SPACA7: variants seen among roughly 807,000 people sequenced by gnomAD.
SPACA7 encodes sperm acrosome associated 7.
A neutral mutation model predicts 26.3 loss-of-function variants in SPACA7; 19 were observed. That is an observed-to-expected ratio of 0.72 (90% CI 0.50 to 1.06). The LOEUF (loss-of-function observed/expected upper bound fraction) is 1.06. SPACA7 is among the 50% of genes least tolerant of loss of function. SPACA7 has a pLI of 0.00. For synonymous variants in SPACA7, 84 were observed against 84.5 expected, an observed-to-expected ratio of 0.99 and a Z score of 0.04; for missense variants, 211 against 229.9, an observed-to-expected ratio of 0.92 and a Z score of 0.53.
chr13:112,419,679 A>G (rs1411340862), intron 5 of SPACA7, among the ~76,000 whole-genome samples: 1 of 152,146 alleles, frequency 6.6e-6, no homozygotes, highest in East Asian at 1.9e-4. Flanking sequence ...AAGAAATACC[A>G]CCCAAGACCA....
At chr13:112,428,771 GT>G (rs1467038527) in intron 5 of SPACA7, among the ~76,000 whole-genome samples, 1 of 152,072 alleles carries the variant, frequency 6.6e-6, no homozygotes, top group Non-Finnish European at 1.5e-5. Context: ...AGAATATAGT[GT>G]GCTTTAGCAA....
At chr13:112,383,503 A>C (rs1211148134) in intron 1 of SPACA7, among the ~76,000 whole-genome samples, 3 of 152,252 alleles carry the variant, frequency 2.0e-5, no homozygotes, top group African/African-American at 7.2e-5. Flanking sequence ...TTTTTCACTT[A>C]GATTTTAATG....
intron 1 of SPACA7, among the ~76,000 whole-genome samples, chr13:112,389,967 G>A (rs1403403332): frequency 2.6e-5 from 4 of 152,208 alleles, no homozygotes; most frequent in Non-Finnish European, 4.4e-5. Context: ...CAGCCATCTG[G>A]ATATATCAAA....
intron 1 of SPACA7, among the ~76,000 whole-genome samples, chr13:112,390,438 T>C (rs1415323058): frequency 6.6e-6 from 1 of 151,492 alleles, no homozygotes; most frequent in Non-Finnish European, 1.5e-5. Context: ...GGGCATGTGT[T>C]CAAAAAATGG....
intron 5 of SPACA7, among the ~76,000 whole-genome samples, chr13:112,416,437 C>A (rs188922919): frequency 0.019 from 2,828 of 152,150 alleles, 63 homozygotes; most frequent in Non-Finnish European, 0.022. Flanking sequence ...TAGGCACCTG[C>A]CACCATGCCT....
chr13:112,433,879 C>A (rs1172883938), intron 6 of SPACA7, among the ~76,000 whole-genome samples: 1 of 152,224 alleles, frequency 6.6e-6, no homozygotes, highest in Non-Finnish European at 1.5e-5. Context: ...AGGACAACCT[C>A]TGCTGCTTTA....
At chr13:112,391,035 A>G (rs1314367804) in intron 1 of SPACA7, among the ~76,000 whole-genome samples, 1 of 152,188 alleles carries the variant, frequency 6.6e-6, no homozygotes, top group Non-Finnish European at 1.5e-5. Flanking sequence ...GACTTGGATG[A>G]TTGGCTCAAG....
At chr13:112,384,923 A>C (rs1042655637) in intron 1 of SPACA7, among the ~76,000 whole-genome samples, 5 of 152,354 alleles carry the variant, frequency 3.3e-5, no homozygotes, top group Admixed American at 1.3e-4. Flanking sequence ...TAGTTTATCA[A>C]ATAAAATTTT....
intron 5 of SPACA7, among the ~76,000 whole-genome samples, chr13:112,417,806 G>A (rs1886786242): frequency 6.6e-6 from 1 of 152,142 alleles, no homozygotes; most frequent in African/African-American, 2.4e-5. Flanking sequence ...ATCTCAACCT[G>A]CCATTGCTGA....
chr13:112,392,145 A>T (rs966877512), intron 1 of SPACA7, among the ~76,000 whole-genome samples: 3 of 152,164 alleles, frequency 2.0e-5, no homozygotes, highest in Non-Finnish European at 4.4e-5. Flanking sequence ...CTTGACCTTG[A>T]GCCAAAGCAA....
rs185922712 is a variant in SPACA7, at chr13:112,398,490, C to T, written c.241+352C>T. 1.2e-4 allele frequency among the ~76,000 whole-genome samples: 18 copies of T among 152,246 alleles called. No individual in the cohort carries two copies. The East Asian group carries it at 3.5e-3, about 29-fold the overall frequency. On this transcript the variant is annotated intron_variant, in intron 3 of 6. Transcript: ENST00000283550. ...ACAGTTCCTCCCACACACGCCCATG[C>T]TCTCACTTCACGCTCACCCAAGGCT...
rs1283455816 is a variant in SPACA7 at position 112,402,001 on chromosome 13, C to T, written c.445+837C>T. On this transcript the variant is annotated intron_variant, in intron 5 of 6. Transcript: ENST00000283550. ...ATTTTAACCTCTGGGACACACTTCC[C>T]TCTTTTAGTTTTTTTAGCTTTTCTT... Among the ~76,000 whole-genome samples, 4 of 152,196 alleles carry T rather than the reference C, an allele frequency of 2.6e-5. No homozygotes were observed. In the South Asian group the frequency reaches 8.3e-4, roughly 32 times the overall value.
intron 5 of SPACA7, among the ~76,000 whole-genome samples, chr13:112,417,122 G>A (rs2182922): frequency 0.66 from 99,753 of 151,874 alleles, 33,286 homozygotes; most frequent in African/African-American, 0.78. Context: ...CTTGGTATTA[G>A]TTTTCCCAGA....
chr13:112,407,568 C>T (rs1309754855), intron 5 of SPACA7, among the ~76,000 whole-genome samples: 2 of 152,006 alleles, frequency 1.3e-5, no homozygotes, highest in Non-Finnish European at 2.9e-5. Flanking sequence ...TACAAACTAC[C>T]GTCAGAGAAT....
At chr13:112,418,352 G>T (rs1219061672) in intron 5 of SPACA7, among the ~76,000 whole-genome samples, 1 of 152,134 alleles carries the variant, frequency 6.6e-6, no homozygotes, top group Admixed American at 6.5e-5. Flanking sequence ...AGAAGATGAG[G>T]CCTAGGGAAG....
chr13:112,411,238 C>T (rs1886332314), intron 5 of SPACA7, among the ~76,000 whole-genome samples: 1 of 151,694 alleles, frequency 6.6e-6, no homozygotes, highest in South Asian at 2.1e-4. Context: ...TTTGTACTTA[C>T]AACTTTTTAA....
intron 1 of SPACA7, among the ~76,000 whole-genome samples, chr13:112,378,054 A>G (rs1883806315): frequency 6.6e-6 from 1 of 152,132 alleles, no homozygotes; most frequent in Non-Finnish European, 1.5e-5. Context: ...AGCCACAGTC[A>G]TGGTTATGCT....
At chr13:112,422,821 G>A (rs1166258209) in intron 5 of SPACA7, among the ~76,000 whole-genome samples, 2 of 152,194 alleles carry the variant, frequency 1.3e-5, no homozygotes, top group African/African-American at 4.8e-5. Context: ...TAAGGCAGAA[G>A]CAAATCTGAC....
chr13:112,410,267 A>G (rs1215267231), intron 5 of SPACA7, among the ~76,000 whole-genome samples: 1 of 152,086 alleles, frequency 6.6e-6, no homozygotes, highest in Admixed American at 6.6e-5. Flanking sequence ...CCTAATGTAA[A>G]TGATGAGTTA....
Sources: gnomAD v4.1 joint callset for allele counts (sites outside exome capture counted in the v4.1 genomes callset) on GRCh38, gnomAD v4.1.1 for gene constraint, MANE v1.5 for transcripts, NCBI Gene and HGNC (gene_info 2026-07-23, HGNC 2026-07-21) for gene names.